The following PCDHA11 variants were observed in gnomAD, a reference collection of about 807,000 sequenced individuals.
PCDHA11 encodes protocadherin alpha-11.
PCDHA11 carries 61 observed loss-of-function variants against 70.3 expected under a neutral mutation model. The observed-to-expected ratio is 0.87, with a 90% CI of 0.71 to 1.07. The LOEUF is 1.07. Ranked by LOEUF, PCDHA11 falls within the 50% of genes least tolerant of loss-of-function variation. The pLI is 0.00. For synonymous variants in PCDHA11, 633 were observed against 555.1 expected (o/e 1.14, Z -1.97); for missense variants, 1,324 against 1,237.5 (o/e 1.07, Z -1.05).
chr5:140,947,763 AAT>A (rs1396909113), intron 1 of PCDHA11, among the ~76,000 whole-genome samples: 1 of 151,658 alleles, frequency 6.6e-6, no homozygotes, highest in Non-Finnish European at 1.5e-5. Flanking sequence ...TGGTTTAAAA[AAT>A]TCTATTGTAA....
Position 140,870,599 on chromosome 5 carries a change from G to A in PCDHA11, c.1496G>A (p.Gly499Asp). ...VSYSLVERRLGDRALSSYVSV... is the reference protein window; with the variant it reads ...VSYSLVERRLDDRALSSYVSV... ...TACTCGCTGGTGGAGCGGCGGTTGG[G>A]CGACCGCGCGCTGTCGAGCTACGTG... is the stretch of plus-strand genomic sequence containing the variant. Residue 499 changes from glycine (G) to aspartate (D), a missense_variant, in exon 1 of 4, where the codon GGC (glycine) becomes GAC (aspartate). Transcript: ENST00000398640. The A allele has an allele frequency of 6.2e-7, 1 of 1,613,396 alleles. No homozygotes were observed. Among genetic ancestry groups the A allele is most frequent in the South Asian group, 1.1e-5 (1 of 91,060 alleles).
chr5:140,892,943 AC>A (rs2063750109), intron 1 of PCDHA11, among the ~76,000 whole-genome samples: 1 of 152,088 alleles, frequency 6.6e-6, no homozygotes, highest in South Asian at 2.1e-4. Flanking sequence ...TAAGCACAAT[AC>A]TACTTCCATG....
intron 3 of PCDHA11, among the ~76,000 whole-genome samples, chr5:140,997,614 A>G (rs1355709943): frequency 6.6e-6 from 1 of 152,148 alleles, no homozygotes; most frequent in Admixed American, 6.6e-5. Context: ...GCATGACTAT[A>G]TAGAGATTTT....
intron 1 of PCDHA11, among the ~76,000 whole-genome samples, chr5:140,937,181 G>A (rs573153234): frequency 5.3e-5 from 8 of 151,984 alleles, no homozygotes; most frequent in African/African-American, 1.9e-4. Context: ...GGGACTACAG[G>A]CGCCCGCCAC....
In PCDHA11 at chr5:140,869,407, T is replaced by G; in HGVS notation, c.304T>G (p.Cys102Gly). The change falls in exon 1 of 4, where the codon TGC becomes GGC. Residue 102 changes from cysteine (C) to glycine (G), a missense_variant. Cys to Gly is a radical substitution (Grantham distance 159). Coordinates refer to ENST00000398640, the MANE Select transcript of PCDHA11 (RefSeq NM_018902.5). ...REELCGQSAECSIHLEVIVDR... is the reference protein window; with the variant it reads ...REELCGQSAEGSIHLEVIVDR... ...GGAGCTGTGCGGGCAGAGCGCGGAG[T>G]GCAGCATCCACCTGGAGGTGATCGT... 2.5e-6 allele frequency: 4 copies of G among 1,614,120 alleles called. No homozygotes were observed. The highest frequency in any genetic ancestry group is 1.3e-5 in the African/African-American group (1 of 75,046).
chr5:140,942,310 C>T (rs782391809), intron 1 of PCDHA11, among the ~76,000 whole-genome samples: 14 of 151,402 alleles, frequency 9.2e-5, no homozygotes, highest in East Asian at 1.9e-4. Flanking sequence ...CTTGGGAGGT[C>T]GAGGCACAAG....
intron 1 of PCDHA11, among the ~76,000 whole-genome samples, chr5:140,941,248 T>TTTCTTTC (rs2092963388): frequency 1.4e-5 from 2 of 141,492 alleles, no homozygotes; most frequent in African/African-American, 5.3e-5. Context: ...TCTTTCTTTC[T>TTTCTTTC]TTCTTTCTCT....
At chr5:141,009,538 C>T (rs1159631714) in intron 3 of PCDHA11, 89 bp from the exon 4 acceptor site, 11 of 1,522,362 alleles carry the variant, frequency 7.2e-6, no homozygotes, top group African/African-American at 1.4e-5. Context: ...GTTCAGCCTG[C>T]CTATGCAGTA....
Position 140,877,092 on chromosome 5 carries a change from C to T in PCDHA11, c.2391+5598C>T, listed in dbSNP as rs200462899. On this transcript the variant is annotated intron_variant, in intron 1 of 3. Coordinates refer to ENST00000398640, the MANE Select transcript of PCDHA11 (RefSeq NM_018902.5). ...AGTTCCAGGTGAGCGCGCGCGACGCCGGCGTGCCGCCTCTGGGCAGCAACG... is the reference window on the plus strand; with the variant it reads ...AGTTCCAGGTGAGCGCGCGCGACGCTGGCGTGCCGCCTCTGGGCAGCAACG... The T allele has an allele frequency of 2.9e-3, 4,637 of 1,613,220 alleles. 21 individuals carry two copies. Among genetic ancestry groups the T allele is most frequent in the African/African-American group, 0.01 (785 of 75,014 alleles).
rs1386589487 is a variant in PCDHA11 at position 140,876,579 on chromosome 5, T to C, written c.2391+5085T>C. ...AGGATGCTCAGGTGGGTACCGTCAT[T>C]GCCCTGATTAGCGTGTCGGATCGTG... On this transcript the variant is annotated intron_variant, in intron 1 of 3. Coordinates refer to ENST00000398640, the MANE Select transcript of PCDHA11 (RefSeq NM_018902.5). 5 of 1,614,104 alleles carry C rather than the reference T, an allele frequency of 3.1e-6. No homozygotes were observed. In the African/African-American group the frequency reaches 5.3e-5, roughly 17 times the overall value.
chr5:140,965,664 A>G (rs931573016), intron 1 of PCDHA11, among the ~76,000 whole-genome samples: 2 of 152,254 alleles, frequency 1.3e-5, no homozygotes, highest in Non-Finnish European at 2.9e-5. Flanking sequence ...GTCTTGGGTG[A>G]TAAATGTAAA....
intron 1 of PCDHA11, among the ~76,000 whole-genome samples, chr5:140,925,742 AAG>A (rs1403200881): frequency 2.0e-5 from 3 of 151,862 alleles, no homozygotes; most frequent in South Asian, 4.2e-4. Context: ...TATTTACAGA[AAG>A]AAAATTTACA....
intron 1 of PCDHA11, among the ~76,000 whole-genome samples, chr5:140,924,692 C>T (rs1421659285): frequency 2.0e-5 from 3 of 151,910 alleles, no homozygotes; most frequent in Admixed American, 6.6e-5. Flanking sequence ...GTCAGGAGTT[C>T]GAGACCAGCT....
chr5:140,942,817 T>C (rs1479369594), intron 1 of PCDHA11, among the ~76,000 whole-genome samples: 2 of 152,160 alleles, frequency 1.3e-5, no homozygotes, highest in African/African-American at 4.8e-5. Context: ...ACTAGTTGGA[T>C]TTGGCCCTGT....
intron 1 of PCDHA11, among the ~76,000 whole-genome samples, chr5:140,906,668 C>G (rs1554192641): frequency 1.3e-5 from 2 of 152,152 alleles, no homozygotes; most frequent in African/African-American, 4.8e-5. Flanking sequence ...TGTAGTGACC[C>G]AAACCTTCAT....
In PCDHA11 at chr5:140,931,701, A is replaced by G. The variant is rs78657610; in HGVS notation, c.2392-47248A>G. Among the ~76,000 whole-genome samples the G allele has an allele frequency of 8.3e-3, 1,259 of 152,106 alleles. 10 individuals are homozygous for G. Among genetic ancestry groups the G allele is most frequent in the Non-Finnish European group, 0.014 (970 of 67,850 alleles). ...TAAATGAATTGTGATTCATAAAACC[A>G]TGAATAAAATAACTTCTATAAATAT... On this transcript the variant is annotated intron_variant, in intron 1 of 3. Coordinates refer to ENST00000398640, the MANE Select transcript of PCDHA11 (RefSeq NM_018902.5).
chr5:140,882,898 A>T lies in PCDHA11; in HGVS notation c.2391+11404A>T, dbSNP rs781828373. 6 of 1,614,100 alleles carry T rather than the reference A, an allele frequency of 3.7e-6. No individual in the cohort carries two copies. In the Admixed American group the frequency reaches 5.0e-5, roughly 13 times the overall value. On this transcript the variant is annotated intron_variant, in intron 1 of 3. Coordinates refer to ENST00000398640, the MANE Select transcript of PCDHA11 (RefSeq NM_018902.5). ...GAGAGGAAATTCAGGAACATAGTTT[A>T]TTACTGACAGCCAGTGATGGAGGTA...
chr5:140,966,499 A>AGCG (rs1178498918), intron 1 of PCDHA11: 4 of 431,834 alleles, frequency 9.3e-6, no homozygotes, highest in Non-Finnish European at 1.6e-5. Flanking sequence ...CTGGAGCTGT[A>AGCG]GCGGCAGCAG....
intron 1 of PCDHA11, chr5:140,876,415 G>A (rs782679956): frequency 6.2e-7 from 1 of 1,613,960 alleles, no homozygotes. Flanking sequence ...AGAGAATAAT[G>A]CCTATGAAAT....
Sources: allele counts gnomAD v4.1 joint callset (sites outside exome capture counted in the v4.1 genomes callset), GRCh38; gene constraint gnomAD v4.1.1; transcripts MANE v1.5; gene names NCBI Gene and HGNC (gene_info 2026-07-23, HGNC 2026-07-21).